ZNF700: variants seen among roughly 807,000 people sequenced by gnomAD.
ZNF700 encodes the protein zinc finger protein 700.
In ZNF700, 38 loss-of-function variants were observed where a neutral mutation model predicts 65.3. The observed-to-expected ratio is 0.58, with a 90% CI of 0.45 to 0.76. The LOEUF is 0.76. Among genes scored for constraint, ZNF700 ranks in the 30% least tolerant of loss-of-function variants. ZNF700 has a pLI of 0.00. For missense variants in ZNF700, 857 were observed against 888.4 expected (o/e 0.96, Z 0.45); for synonymous variants, 285 against 290.4 (o/e 0.98, Z 0.19).
At chr19:11,940,165 G>A (rs1972858494) in intron 1 of ZNF700, 1 of 152,088 alleles carries the variant, frequency 6.6e-6, no homozygotes, top group Admixed American at 6.6e-5. Flanking sequence ...TCCAACCTCA[G>A]GTGATCGACC....
At chr19:11,937,885 C>A (rs1365827855) in intron 1 of ZNF700, among the ~76,000 whole-genome samples, 2 of 152,138 alleles carry the variant, frequency 1.3e-5, no homozygotes, top group Middle Eastern at 3.4e-3. Context: ...AGATATTAAC[C>A]CATTTATGCT....
At chr19:11,925,771 A>G (rs1347283755) in intron 1 of ZNF700, among the ~76,000 whole-genome samples, 1 of 152,252 alleles carries the variant, frequency 6.6e-6, no homozygotes, top group African/African-American at 2.4e-5. Context: ...GTCAACGGAA[A>G]AAGCCAAACT....
intron 1 of ZNF700, among the ~76,000 whole-genome samples, chr19:11,941,315 G>A (rs1972879463): frequency 6.6e-6 from 1 of 152,256 alleles, no homozygotes; most frequent in Non-Finnish European, 1.5e-5. Context: ...GCCCTTGGGT[G>A]GTTGATGGGA....
chr19:11,945,519 C>T (rs540416446), intron 1 of ZNF700, among the ~76,000 whole-genome samples: 1 of 152,184 alleles, frequency 6.6e-6, no homozygotes, highest in African/African-American at 2.4e-5. Flanking sequence ...ACCTGGATTC[C>T]TTCAAGAGCT....
intron 1 of ZNF700, among the ~76,000 whole-genome samples, chr19:11,945,142 AG>A (rs1477408821): frequency 1.4e-4 from 21 of 152,334 alleles, no homozygotes; most frequent in African/African-American, 5.1e-4. Context: ...AGGTAGCCCC[AG>A]GGCTGGGACT....
intron 1 of ZNF700, among the ~76,000 whole-genome samples, chr19:11,942,382 G>A (rs568250040): frequency 2.6e-5 from 4 of 152,000 alleles, no homozygotes; most frequent in Admixed American, 6.6e-5. Flanking sequence ...ATAGGACTCC[G>A]TTATGACAGG....
chr19:11,926,920 G>A, intron 1 of ZNF700, among the ~76,000 whole-genome samples: 1 of 152,122 alleles, frequency 6.6e-6, no homozygotes, highest in Non-Finnish European at 1.5e-5. Context: ...AATAGACTCA[G>A]TACTCCAAAA....
chr19:11,938,244 T>A (rs1466832742), intron 1 of ZNF700, among the ~76,000 whole-genome samples: 3 of 152,152 alleles, frequency 2.0e-5, no homozygotes, highest in Admixed American at 6.5e-5. Flanking sequence ...GATTTTTTTT[T>A]AATATTATAT....
chr19:11,941,499 A>C (rs556137390), intron 1 of ZNF700, among the ~76,000 whole-genome samples: 1 of 152,302 alleles, frequency 6.6e-6, no homozygotes, highest in South Asian at 2.1e-4. Flanking sequence ...GGCTGGCACT[A>C]CTGGGGGACC....
intron 1 of ZNF700, among the ~76,000 whole-genome samples, chr19:11,925,874 G>A (rs1972619377): frequency 6.6e-6 from 1 of 152,192 alleles, no homozygotes; most frequent in African/African-American, 2.4e-5. Flanking sequence ...GTGGTCCCGA[G>A]GCGGCTCAAG....
chr19:11,937,419 CT>C (rs1972812609), intron 1 of ZNF700, among the ~76,000 whole-genome samples: 1 of 151,928 alleles, frequency 6.6e-6, no homozygotes, highest in Non-Finnish European at 1.5e-5. Flanking sequence ...CTCAAATGAC[CT>C]GTCTGCCTTG....
At chr19:11,943,483 G>T (rs1180853629) in intron 1 of ZNF700, among the ~76,000 whole-genome samples, 1 of 152,120 alleles carries the variant, frequency 6.6e-6, no homozygotes, top group East Asian at 1.9e-4. Flanking sequence ...GTAAATGGGG[G>T]TCTCTTTTTT....
intron 2 of ZNF700, 32 bp from the exon 3 acceptor site, chr19:11,947,482 T>G (rs938241197): frequency 1.9e-6 from 3 of 1,610,048 alleles, no homozygotes. Flanking sequence ...TTTATACTGC[T>G]TCAGGACTAT....
chr19:11,942,914 C>T (rs1011182002), intron 1 of ZNF700, among the ~76,000 whole-genome samples: 1 of 152,178 alleles, frequency 6.6e-6, no homozygotes, highest in East Asian at 1.9e-4. Flanking sequence ...CTTATTCCCC[C>T]CTTTGAGAAT....
At chr19:11,925,313 G>A in intron 1 of ZNF700, 40 bp downstream of exon 1, 1 of 1,605,598 alleles carries the variant, frequency 6.2e-7, no homozygotes, top group African/African-American at 1.3e-5. Context: ...CGGGGGAGGG[G>A]CTGCCTGGAA....
At chr19:11,928,809 A>G (rs1461872024) in intron 1 of ZNF700, among the ~76,000 whole-genome samples, 3 of 144,058 alleles carry the variant, frequency 2.1e-5, no homozygotes, top group African/African-American at 8.4e-5. Context: ...GCCTGGTAGG[A>G]TGGCTCACAC....
chr19:11,941,958 A>C (rs1972892052), intron 1 of ZNF700, among the ~76,000 whole-genome samples: 1 of 132,642 alleles, frequency 7.5e-6, no homozygotes, highest in Non-Finnish European at 1.6e-5. Context: ...AAGGTTGTAT[A>C]GTGGTTGAAT....
At chr19:11,933,907 C>T (rs1173561332) in intron 1 of ZNF700, among the ~76,000 whole-genome samples, 1 of 147,110 alleles carries the variant, frequency 6.8e-6, no homozygotes, top group Non-Finnish European at 1.5e-5. Context: ...AACACCCCAG[C>T]TCAGGTGATC....
chr19:11,949,457 A>G lies in ZNF700; in HGVS notation c.1433A>G (p.Glu478Gly), dbSNP rs1216853835. 1.2e-6 allele frequency: 2 copies of G among 1,613,132 alleles called. No homozygotes were observed. Among genetic ancestry groups the G allele is most frequent in the Admixed American group, 1.7e-5 (1 of 59,730 alleles). The change falls in exon 4 of 4, where the codon GAA (glutamate) becomes GGA (glycine). Residue 478 changes from glutamate (E) to glycine (G), a missense_variant. Transcript: ENST00000254321. ...GGAGAGAAACCCTATGAATGTAAGG[A>G]ATGTGGGAAAGCCTTCAGATATGTG... ...HTGEKPYECK[E>G]CGKAFRYVKH...
Sources: allele counts gnomAD v4.1 joint callset (sites outside exome capture counted in the v4.1 genomes callset), GRCh38; gene constraint gnomAD v4.1.1; transcripts MANE v1.5; gene names NCBI Gene and HGNC (gene_info 2026-07-23, HGNC 2026-07-21).